SWT1: variants seen among roughly 807,000 people sequenced by gnomAD.
SWT1 encodes the protein transcriptional protein SWT1.
Under a neutral mutation model 107.3 loss-of-function variants are expected in SWT1, and 33 were observed. That is an observed-to-expected ratio of 0.31 (90% CI 0.23 to 0.41). SWT1 has a LOEUF of 0.41. Ranked by LOEUF, SWT1 falls within the 10% of genes least tolerant of loss-of-function variation. The pLI is 1.00. For missense variants in SWT1, 898 were observed against 1,028.9 expected (o/e 0.87, Z 1.74); for synonymous variants, 345 against 348.3 (o/e 0.99, Z 0.11).
intron 16 of SWT1, among the ~76,000 whole-genome samples, chr1:185,232,791 A>C (rs2102574934): frequency 6.6e-6 from 1 of 152,344 alleles, no homozygotes; most frequent in Non-Finnish European, 1.5e-5. Flanking sequence ...TTGTATTATT[A>C]GCATATTAAT....
chr1:185,182,754 T>G (rs1656134188), intron 7 of SWT1, among the ~76,000 whole-genome samples: 2 of 151,988 alleles, frequency 1.3e-5, no homozygotes, highest in South Asian at 4.1e-4. Flanking sequence ...GTTGTGAAAT[T>G]TTGATCATTT....
chr1:185,184,697 C>T, intron 8 of SWT1, 46 bp from the exon 9 acceptor site: 1 of 1,473,652 alleles, frequency 6.8e-7, no homozygotes. Context: ...CATTTAGTAG[C>T]TCAATAAATG....
At chr1:185,249,287 T>C (rs1661838156) in intron 16 of SWT1, among the ~76,000 whole-genome samples, 1 of 152,132 alleles carries the variant, frequency 6.6e-6, no homozygotes, top group African/African-American at 2.4e-5. Flanking sequence ...TATAGTGTCA[T>C]TTCCCCTACA....
chr1:185,246,353 C>G (rs939372733), intron 16 of SWT1, among the ~76,000 whole-genome samples: 1 of 151,868 alleles, frequency 6.6e-6, no homozygotes, highest in Non-Finnish European at 1.5e-5. Context: ...TCATGGCTCA[C>G]TGCGACCTCC....
chr1:185,214,850 T>C (rs1454574196), intron 14 of SWT1, among the ~76,000 whole-genome samples, 195 bp downstream of exon 14: 1 of 152,222 alleles, frequency 6.6e-6, no homozygotes, highest in Non-Finnish European at 1.5e-5. Context: ...CCTCCTTTTA[T>C]GGAAGCAGTG....
At chr1:185,212,553 G>T (rs949628586) in intron 13 of SWT1, among the ~76,000 whole-genome samples, 2 of 152,118 alleles carry the variant, frequency 1.3e-5, no homozygotes, top group Non-Finnish European at 2.9e-5. Context: ...AATGAGTTAT[G>T]AAGAATATGT....
chr1:185,178,118 G>A (rs888698629), intron 5 of SWT1, among the ~76,000 whole-genome samples: 7 of 152,196 alleles, frequency 4.6e-5, no homozygotes, highest in Non-Finnish European at 7.3e-5. Flanking sequence ...TTAAAGAAGG[G>A]CTCACTAAAG....
At chr1:185,170,798 T>C (rs1179092310) in intron 4 of SWT1, among the ~76,000 whole-genome samples, 3 of 152,138 alleles carry the variant, frequency 2.0e-5, no homozygotes, top group Admixed American at 6.5e-5. Context: ...TCTATAGGAC[T>C]ATAGGAAGAA....
At chr1:185,214,796 A>G in intron 14 of SWT1, 141 bp downstream of exon 14, 1 of 652,714 alleles carries the variant, frequency 1.5e-6, no homozygotes, top group South Asian at 2.7e-5. Context: ...TGTTAAGTGA[A>G]TTGAATACAG....
At chr1:185,238,799 G>T (rs1661067753) in intron 16 of SWT1, among the ~76,000 whole-genome samples, 2 of 151,826 alleles carry the variant, frequency 1.3e-5, no homozygotes, top group South Asian at 4.2e-4. Flanking sequence ...AAGTGTACAT[G>T]TAGTGCTTAA....
intron 5 of SWT1, 25 bp downstream of exon 5, chr1:185,175,138 A>G: frequency 6.9e-7 from 1 of 1,457,862 alleles, no homozygotes. Flanking sequence ...AATGAAGAAT[A>G]TAGGTTTTAA....
At chr1:185,252,696 G>A (rs1359940531) in intron 16 of SWT1, among the ~76,000 whole-genome samples, 1 of 152,300 alleles carries the variant, frequency 6.6e-6, no homozygotes, top group East Asian at 1.9e-4. Flanking sequence ...TTTGTCAGAT[G>A]AGTAGGTTAT....
At chr1:185,167,805 C>T (rs1654712600) in intron 3 of SWT1, among the ~76,000 whole-genome samples, 1 of 152,100 alleles carries the variant, frequency 6.6e-6, no homozygotes, top group Admixed American at 6.6e-5. Flanking sequence ...GTCTTTCAAG[C>T]TTTATTATTT....
At chr1:185,160,593 T>A (rs1654054157) in intron 1 of SWT1, among the ~76,000 whole-genome samples, 1 of 151,890 alleles carries the variant, frequency 6.6e-6, no homozygotes, top group South Asian at 2.1e-4. Context: ...TCTCAGCTGC[T>A]CAGGAGGCTG....
At chr1:185,175,155 G>T in intron 5 of SWT1, 42 bp downstream of exon 5, 14 of 1,295,014 alleles carry the variant, frequency 1.1e-5, no homozygotes, top group Admixed American at 2.8e-5. Flanking sequence ...TTAACTGAGA[G>T]TTTATTAATA....
chr1:185,203,236 A>G (rs1206628462), intron 11 of SWT1, among the ~76,000 whole-genome samples: 2 of 152,096 alleles, frequency 1.3e-5, no homozygotes, highest in African/African-American at 2.4e-5. Flanking sequence ...CTTTCTATTT[A>G]TAACCTATTA....
At position 185,229,659 on chromosome 1, in the gene SWT1, T is replaced by G. The variant is rs369244423; in HGVS notation, c.2310-1918T>G. On this transcript the variant is annotated intron_variant, in intron 15 of 18. Coordinates refer to ENST00000367500, the MANE Select transcript of SWT1 (RefSeq NM_017673.7). ...CAACCACACCTCCACACACACAATT[T>G]GCTTGTATATCCAGAAAAAGATGAA... 6.6e-5 allele frequency among the ~76,000 whole-genome samples: 10 copies of G among 152,128 alleles called. No homozygotes were observed. In the East Asian group the frequency reaches 1.9e-3, roughly 29 times the overall value.
chr1:185,171,183 A>G (rs1397921169), intron 4 of SWT1, among the ~76,000 whole-genome samples: 1 of 152,188 alleles, frequency 6.6e-6, no homozygotes, highest in Non-Finnish European at 1.5e-5. Context: ...GTCTAGTTAC[A>G]AATGAGTGCA....
At position 185,231,810 on chromosome 1, in the gene SWT1, AC is replaced by A; in HGVS notation, c.2441+104del. ...AGTTGCTAGGAGTCACATAGAATAG[AC>A]CGTGGCACTTTATAGCATGAAATCA... On this transcript the variant is annotated intron_variant, in intron 16 of 18. Transcript: ENST00000367500. 3.8e-6 allele frequency: 3 copies of A among 790,740 alleles called. No homozygotes were observed. The South Asian group carries it at 5.5e-5, about 14-fold the overall frequency. 49.0% of individuals were successfully genotyped at this position (790,740 alleles called of 1,614,324 possible). A position where few individuals can be genotyped will look rare whatever the true frequency, so the allele number is the denominator to read the frequency against.
Sources: allele counts gnomAD v4.1 joint callset (sites outside exome capture counted in the v4.1 genomes callset), GRCh38; gene constraint gnomAD v4.1.1; transcripts MANE v1.5; gene names NCBI Gene and HGNC (gene_info 2026-07-23, HGNC 2026-07-21).